FRAS1: variants seen among roughly 807,000 people sequenced by gnomAD.
The protein encoded by FRAS1 is Fraser extracellular matrix complex subunit 1.
Under a neutral mutation model 435.2 loss-of-function variants are expected in FRAS1, and 290 were observed. That is an observed-to-expected ratio of 0.67 (90% CI 0.61 to 0.73). The LOEUF is 0.73. Ranked by LOEUF, FRAS1 falls within the 30% of genes least tolerant of loss-of-function variation. FRAS1 has a pLI of 0.00. For synonymous variants in FRAS1, 1,800 were observed against 1,851.0 expected (o/e 0.97, Z 0.71); for missense variants, 4,860 against 5,001.5 (o/e 0.97, Z 0.85).
chr4:78,221,181 A>T (rs748332816), intron 2 of FRAS1, among the ~76,000 whole-genome samples: 3 of 152,156 alleles, frequency 2.0e-5, no homozygotes, highest in Non-Finnish European at 4.4e-5. Context: ...AATAATAATA[A>T]TACATAACCA....
chr4:78,424,564 C>A (rs1205494368), intron 35 of FRAS1, 144 bp downstream of exon 35: 3 of 460,952 alleles, frequency 6.5e-6, no homozygotes, highest in Non-Finnish European at 7.6e-6. Context: ...AAACAAATTT[C>A]TTCTAAAATA....
At chr4:78,518,745 C>G (rs935054961) in intron 66 of FRAS1, among the ~76,000 whole-genome samples, 5 of 152,144 alleles carry the variant, frequency 3.3e-5, no homozygotes, top group African/African-American at 7.2e-5. Flanking sequence ...TACTGAAGTA[C>G]GTGCAGCTCT....
At chr4:78,398,992 A>AG (rs1039376371) in intron 29 of FRAS1, among the ~76,000 whole-genome samples, 3 of 152,182 alleles carry the variant, frequency 2.0e-5, no homozygotes, top group Admixed American at 6.5e-5. Context: ...TCAAAAAAAA[A>AG]ACCTGGGCCC....
intron 73 of FRAS1, 147 bp from the exon 74 acceptor site, chr4:78,540,384 C>G (rs1038149582): frequency 2.3e-5 from 11 of 468,528 alleles, no homozygotes; most frequent in Admixed American, 1.5e-4. Flanking sequence ...GTTCAGTTCT[C>G]TATGTATTAG....
In FRAS1 at chr4:78,543,563, T is replaced by C. The variant is rs1675416844; in HGVS notation, c.*2439T>C. 1.3e-5 allele frequency: 2 copies of C among 152,224 alleles called. No individual in the cohort carries two copies. Among genetic ancestry groups the C allele is most frequent in the South Asian group, 4.1e-4 (2 of 4,828 alleles). 9.4% of individuals were successfully genotyped at this position (152,224 alleles called of 1,614,324 possible). On this transcript the variant is annotated 3_prime_UTR_variant, in exon 74 of 74. Coordinates refer to ENST00000512123, the MANE Select transcript of FRAS1 (RefSeq NM_025074.7). ...AAACTGTGTGTGAAAGGAAAGCCCT[T>C]GCAGTATTTCTGCCTCCCTTTCTTT...
In FRAS1 at chr4:78,489,072, G is replaced by C; in HGVS notation, c.8950G>C (p.Gly2984Arg). ...ADSSRITFLK[G>R]DKVKNCTVYI... is the part of the protein sequence containing the mutation. ...CTCTTCACGGATTACATTTCTCAAA[G>C]GGGACAAAGTAAGTGGATTGGTGGT... Residue 2984 changes from glycine to arginine, a missense_variant, in exon 59 of 74, where the codon GGG (glycine) becomes CGG (arginine). By Grantham distance (125) the Gly-to-Arg change is moderately radical (BLOSUM62 -2). Transcript: ENST00000512123. 1 of 1,612,184 alleles carries C rather than the reference G, an allele frequency of 6.2e-7. No individual in the cohort carries two copies.
In FRAS1 at chr4:78,537,036, A is replaced by C; in HGVS notation, c.11134A>C (p.Asn3712His). The C allele has an allele frequency of 6.2e-7, 1 of 1,614,026 alleles. No homozygotes were observed. The highest frequency in any genetic ancestry group is 1.6e-4 in the Middle Eastern group (1 of 6,062). Reference protein sequence around the residue: ...YGRVLWNPEQNLNSAYKLQLE... With the variant: ...YGRVLWNPEQHLNSAYKLQLE... Reference sequence around the variant, plus strand: ...CCGAGTACTTTGGAATCCAGAACAAAATCTTAATTCTGCTTACAAACTCCA... The same window carrying C: ...CCGAGTACTTTGGAATCCAGAACAACATCTTAATTCTGCTTACAAACTCCA... Residue 3712 changes from asparagine (N) to histidine (H), a missense_variant, in exon 72 of 74, where the codon AAT becomes CAT. Physicochemically the swap from Asn to His is moderately conservative, Grantham distance 68 (BLOSUM62 1). Coordinates refer to ENST00000512123, the MANE Select transcript of FRAS1 (RefSeq NM_025074.7).
At chr4:78,088,328 G>C (rs1164795891) in intron 2 of FRAS1, among the ~76,000 whole-genome samples, 4 of 152,188 alleles carry the variant, frequency 2.6e-5, no homozygotes, top group African/African-American at 9.7e-5. Context: ...AAAAACCTTA[G>C]AGGAAAACCT....
chr4:78,326,129 T>C (rs1005229660), intron 18 of FRAS1, among the ~76,000 whole-genome samples: 3 of 123,608 alleles, frequency 2.4e-5, no homozygotes, highest in African/African-American at 6.8e-5. Context: ...GGGAAAAAAT[T>C]TGGTCAATTC....
intron 62 of FRAS1, 63 bp downstream of exon 62, chr4:78,507,671 A>C: frequency 6.9e-7 from 1 of 1,448,380 alleles, no homozygotes; most frequent in African/African-American, 1.5e-5. Flanking sequence ...TGAGAACTGA[A>C]GGGAAGTACT....
intron 20 of FRAS1, among the ~76,000 whole-genome samples, chr4:78,358,705 GCAGA>G (rs1167784018): frequency 1.3e-5 from 2 of 152,152 alleles, no homozygotes; most frequent in Non-Finnish European, 2.9e-5. Flanking sequence ...AATCTGAGAT[GCAGA>G]CAAAGATTTA....
intron 2 of FRAS1, among the ~76,000 whole-genome samples, chr4:78,075,597 G>A (rs1377887537): frequency 6.6e-6 from 1 of 152,148 alleles, no homozygotes; most frequent in Non-Finnish European, 1.5e-5. Flanking sequence ...TTAAGTCTGA[G>A]CTCTTCACTA....
chr4:78,239,095 C>A (rs1001709142), intron 3 of FRAS1, among the ~76,000 whole-genome samples: 17 of 152,268 alleles, frequency 1.1e-4, no homozygotes, highest in African/African-American at 3.9e-4. Context: ...GCCATGTAGA[C>A]CATGTGTGAC....
chr4:78,212,270 C>T (rs531728207), intron 2 of FRAS1, among the ~76,000 whole-genome samples: 1 of 152,278 alleles, frequency 6.6e-6, no homozygotes, highest in East Asian at 1.9e-4. Flanking sequence ...CTCTGTGGAA[C>T]CTACTGTGAC....
chr4:78,090,923 GT>G (rs1741482078), intron 2 of FRAS1, among the ~76,000 whole-genome samples: 1 of 152,136 alleles, frequency 6.6e-6, no homozygotes, highest in Admixed American at 6.5e-5. Context: ...TAAATTTGTA[GT>G]TTATAAATCA....
At chr4:78,329,515 G>T (rs554713165) in intron 18 of FRAS1, among the ~76,000 whole-genome samples, 4 of 152,148 alleles carry the variant, frequency 2.6e-5, no homozygotes, top group Non-Finnish European at 5.9e-5. Context: ...GTTAATGATT[G>T]GCAAGCCAAT....
At chr4:78,063,096 C>T (rs142397368) in intron 1 of FRAS1, among the ~76,000 whole-genome samples, 207 of 152,226 alleles carry the variant, frequency 1.4e-3, no homozygotes, top group African/African-American at 4.7e-3. Context: ...GTCAAATAGA[C>T]CTGCAATCAT....
chr4:78,224,639 C>T (rs530853220), intron 2 of FRAS1, among the ~76,000 whole-genome samples: 5 of 152,100 alleles, frequency 3.3e-5, no homozygotes, highest in South Asian at 2.1e-4. Flanking sequence ...CTCAAGCAAT[C>T]CCCCCACCTC....
chr4:78,156,650 T>C lies in FRAS1; in HGVS notation c.109-80860T>C, dbSNP rs906917470. Among the ~76,000 whole-genome samples the C allele has an allele frequency of 5.3e-5, 8 of 152,280 alleles. No homozygotes were observed. In the East Asian group the frequency reaches 1.5e-3, roughly 29 times the overall value. On this transcript the variant is annotated intron_variant, in intron 2 of 73. Transcript: ENST00000512123. ...ACCTAAATAAGATACTGTTCCCAGGTAACTTTGGGTCTAAAAAATGACCTC... is the reference window on the plus strand; with the variant it reads ...ACCTAAATAAGATACTGTTCCCAGGCAACTTTGGGTCTAAAAAATGACCTC...
Sources: allele counts gnomAD v4.1 joint callset (sites outside exome capture counted in the v4.1 genomes callset), GRCh38; gene constraint gnomAD v4.1.1; transcripts MANE v1.5; gene names NCBI Gene and HGNC (gene_info 2026-07-23, HGNC 2026-07-21).